Variants in RTL4 observed in about 807,000 individuals in gnomAD.
RTL4 encodes retrotransposon Gag-like protein 4.
RTL4 carries 4 observed loss-of-function variants against 5.3 expected under a neutral mutation model. The observed-to-expected ratio is 0.75, with a 90% CI of 0.37 to 1.72. RTL4 has a LOEUF of 1.72. Ranked by LOEUF, RTL4 falls within the 40% of genes most tolerant of loss-of-function variation. The pLI is 0.04. For missense variants in RTL4, 260 were observed against 227.1 expected, an observed-to-expected ratio of 1.14 and a Z score of -0.93; for synonymous variants, 98 against 87.3, an observed-to-expected ratio of 1.12 and a Z score of -0.68.
upstream of RTL4, among the ~76,000 whole-genome samples, chrX:112,452,257 ATTT>A (rs760522980): frequency 4.6e-5 from 3 of 65,437 alleles, no homozygotes; most frequent in African/African-American, 5.3e-5. Context: ...CGCGCAGCTA[ATTT>A]TTTTTTTTTT....
At chrX:112,200,299 A>G in the RTL4 span, among the ~76,000 whole-genome samples, 1 of 111,739 alleles carries the variant, frequency 8.9e-6, no homozygotes, top group Admixed American at 9.5e-5. Flanking sequence ...TCTCACACAT[A>G]TCAGAGTTCC....
the RTL4 span, among the ~76,000 whole-genome samples, chrX:112,345,117 T>C: frequency 9.0e-6 from 1 of 111,343 alleles, no homozygotes; most frequent in South Asian, 3.8e-4. Flanking sequence ...CATATCACCA[T>C]GCAAGGGGTG....
At chrX:112,124,795 TAAAGAA>T in the RTL4 span, among the ~76,000 whole-genome samples, 216 of 110,965 alleles carry the variant, frequency 1.9e-3, no homozygotes, top group African/African-American at 6.9e-3. Context: ...TCCTGGAACT[TAAAGAA>T]AAAAAAATAA....
At chrX:112,395,218 G>A in the RTL4 span, among the ~76,000 whole-genome samples, 11 of 111,236 alleles carry the variant, frequency 9.9e-5, no homozygotes, top group African/African-American at 3.6e-4. Context: ...TAAAACATTA[G>A]CATGCTATGA....
chrX:112,229,804 T>C, the RTL4 span, among the ~76,000 whole-genome samples: 594 of 112,215 alleles, frequency 5.3e-3, 1 homozygote, highest in Non-Finnish European at 8.3e-3. Flanking sequence ...CTCCAGACCC[T>C]GTTTGCCTGG....
chrX:112,358,275 A>ATT, the RTL4 span, among the ~76,000 whole-genome samples: 786 of 93,011 alleles, frequency 8.5e-3, 11 homozygotes, highest in African/African-American at 0.029. Flanking sequence ...TAACTTATGC[A>ATT]TTTTTTTTTT....
At chrX:112,269,236 T>G in the RTL4 span, among the ~76,000 whole-genome samples, 1 of 111,849 alleles carries the variant, frequency 8.9e-6, no homozygotes, top group South Asian at 3.7e-4. Flanking sequence ...TGAATAGGAG[T>G]GAGTAATGCA....
the RTL4 span, among the ~76,000 whole-genome samples, chrX:112,228,724 T>G: frequency 3.6e-5 from 4 of 112,103 alleles, no homozygotes; most frequent in African/African-American, 1.3e-4. Context: ...CTCAGTTCTA[T>G]TCTCTGTTTC....
the RTL4 span, among the ~76,000 whole-genome samples, chrX:112,277,111 C>T: frequency 0.054 from 5,957 of 111,250 alleles, 383 homozygotes; most frequent in African/African-American, 0.19. Flanking sequence ...CCAAGAGTTT[C>T]CCCCATGTCT....
At chrX:112,402,605 G>A in the RTL4 span, among the ~76,000 whole-genome samples, 1 of 111,041 alleles carries the variant, frequency 9.0e-6, no homozygotes, top group Admixed American at 9.6e-5. Context: ...TGTCTTGATG[G>A]CAGGAGCTGT....
chrX:112,455,330 T>C, exon 1 of RTL4: 1 of 1,211,535 alleles, frequency 8.3e-7, no homozygotes, highest in Non-Finnish European at 1.1e-6. Flanking sequence ...GTCACTGATA[T>C]GATGGACAAT....
the RTL4 span, among the ~76,000 whole-genome samples, chrX:112,271,380 C>A: frequency 8.8e-6 from 1 of 113,234 alleles, no homozygotes; most frequent in Non-Finnish European, 1.9e-5. Flanking sequence ...GGGTATAGAC[C>A]AAATTGCCAA....
At chrX:112,286,620 G>T in the RTL4 span, among the ~76,000 whole-genome samples, 3 of 111,067 alleles carry the variant, frequency 2.7e-5, no homozygotes, top group Non-Finnish European at 5.7e-5. Flanking sequence ...TATAGGTAGT[G>T]CCAACTGGAT....
chrX:112,371,727 C>A, the RTL4 span, among the ~76,000 whole-genome samples: 2 of 111,595 alleles, frequency 1.8e-5, no homozygotes, highest in Non-Finnish European at 3.8e-5. Flanking sequence ...TATAATAATT[C>A]TCATGTCCAT....
the RTL4 span, among the ~76,000 whole-genome samples, chrX:112,442,118 G>A: frequency 8.9e-6 from 1 of 112,010 alleles, no homozygotes; most frequent in African/African-American, 3.2e-5. Flanking sequence ...GCTGGGTGTG[G>A]AGGTACTTAC....
chrX:112,307,794 TTC>T, the RTL4 span, among the ~76,000 whole-genome samples: 1 of 111,911 alleles, frequency 8.9e-6, no homozygotes, highest in Non-Finnish European at 1.9e-5. Context: ...TATTCTGTTG[TTC>T]TTTTATTTTT....
the RTL4 span, among the ~76,000 whole-genome samples, chrX:112,405,671 T>G: frequency 9.0e-6 from 1 of 111,038 alleles, no homozygotes; most frequent in Non-Finnish European, 1.9e-5. Context: ...CGGAGCAAGA[T>G]AGTGGAAGAG....
the RTL4 span, among the ~76,000 whole-genome samples, chrX:112,284,741 C>T: frequency 1.8e-5 from 2 of 111,553 alleles, no homozygotes; most frequent in Non-Finnish European, 1.9e-5. Flanking sequence ...GTCCTCTGCT[C>T]GCACTGCTTA....
chrX:112,330,443 T>A, the RTL4 span, among the ~76,000 whole-genome samples: 1 of 109,617 alleles, frequency 9.1e-6, no homozygotes, highest in Non-Finnish European at 1.9e-5. Context: ...GGAATCCAAT[T>A]TACAAGGGAT....
Sources: allele counts gnomAD v4.1 joint callset (sites outside exome capture counted in the v4.1 genomes callset), GRCh38; gene constraint gnomAD v4.1.1; transcripts MANE v1.5; gene names NCBI Gene and HGNC (gene_info 2026-07-23, HGNC 2026-07-21).